WWOX: variants seen among roughly 807,000 people sequenced by gnomAD.
WWOX encodes WW domain-containing oxidoreductase.
WWOX carries 69 observed loss-of-function variants against 46.2 expected under a neutral mutation model. That is an observed-to-expected ratio of 1.49 (90% CI 1.23 to 1.82). The LOEUF is 1.82. Ranked by LOEUF, WWOX falls within the 40% of genes most tolerant of loss-of-function variation. WWOX has a pLI of 0.00. For missense variants in WWOX, 919 were observed against 542.6 expected, an observed-to-expected ratio of 1.69 and a Z score of -6.89; for synonymous variants, 359 against 202.6, an observed-to-expected ratio of 1.77 and a Z score of -6.56.
chr16:78,490,827 A>G (rs969482738), intron 8 of WWOX, among the ~76,000 whole-genome samples: 1 of 152,156 alleles, frequency 6.6e-6, no homozygotes, highest in African/African-American at 2.4e-5. Flanking sequence ...TACTTAGACT[A>G]GGAAATGGCT....
chr16:79,123,998 A>G (rs1053172691), intron 8 of WWOX, among the ~76,000 whole-genome samples: 3 of 152,204 alleles, frequency 2.0e-5, no homozygotes, highest in Non-Finnish European at 4.4e-5. Context: ...AAGCCAAGCT[A>G]AATAAACTCT....
chr16:78,969,971 A>G (rs547138476), intron 8 of WWOX, among the ~76,000 whole-genome samples: 5 of 152,204 alleles, frequency 3.3e-5, no homozygotes, highest in East Asian at 1.9e-4. Flanking sequence ...AAAACTTTGA[A>G]CACTTTAAAT....
chr16:78,358,116 G>A (rs1030816296), intron 5 of WWOX, among the ~76,000 whole-genome samples: 2 of 152,042 alleles, frequency 1.3e-5, no homozygotes, highest in African/African-American at 2.4e-5. Context: ...TCATGCACTA[G>A]GTAAAATGTT....
chr16:78,398,279 A>C (rs961498711), intron 6 of WWOX, among the ~76,000 whole-genome samples: 1 of 151,564 alleles, frequency 6.6e-6, no homozygotes, highest in African/African-American at 2.4e-5. Context: ...CTCCCATGTC[A>C]CCTGTGGCCA....
At chr16:78,764,587 C>T (rs930962594) in intron 8 of WWOX, among the ~76,000 whole-genome samples, 8 of 139,326 alleles carry the variant, frequency 5.7e-5, no homozygotes, top group Non-Finnish European at 1.1e-4. Context: ...TCACATGTGC[C>T]GTGCCCCGGG....
chr16:78,578,530 C>T (rs2044963802), intron 8 of WWOX, among the ~76,000 whole-genome samples: 1 of 151,604 alleles, frequency 6.6e-6, no homozygotes, highest in Admixed American at 6.6e-5. Context: ...CCTCGTGATT[C>T]ACCTGCCTTG....
At chr16:78,144,523 A>T (rs10595854) in intron 4 of WWOX, among the ~76,000 whole-genome samples, 6,154 of 17,908 alleles carry the variant, frequency 0.34, 802 homozygotes, top group South Asian at 0.4. Flanking sequence ...ATATATATAT[A>T]TTTTTTTTTT....
chr16:78,850,918 G>T (rs116941032), intron 8 of WWOX, among the ~76,000 whole-genome samples: 1 of 152,222 alleles, frequency 6.6e-6, no homozygotes, highest in African/African-American at 2.4e-5. Flanking sequence ...GATCAGTCAT[G>T]AATAAGGAAT....
intron 8 of WWOX, among the ~76,000 whole-genome samples, chr16:79,104,875 G>T (rs1260977158): frequency 1.3e-5 from 2 of 152,168 alleles, no homozygotes; most frequent in African/African-American, 4.8e-5. Flanking sequence ...AACCTCGACA[G>T]ACAGCGGCCA....
intron 5 of WWOX, among the ~76,000 whole-genome samples, chr16:78,336,822 C>T (rs907846885): frequency 2.0e-4 from 31 of 152,214 alleles, no homozygotes; most frequent in Admixed American, 1.1e-3. Context: ...GACGAAGTTT[C>T]GCTCTCATTT....
intron 8 of WWOX, among the ~76,000 whole-genome samples, chr16:78,875,363 C>T (rs1447495840): frequency 6.6e-6 from 1 of 152,116 alleles, no homozygotes; most frequent in Non-Finnish European, 1.5e-5. Context: ...ATGATGCTCC[C>T]AGTATATAAG....
intron 8 of WWOX, among the ~76,000 whole-genome samples, chr16:78,537,966 C>A (rs1280197398): frequency 6.6e-6 from 1 of 151,998 alleles, no homozygotes; most frequent in Middle Eastern, 3.2e-3. Context: ...TGCTGATAAT[C>A]AGTAAATGAA....
chr16:78,937,603 T>TCA (rs59224097), intron 8 of WWOX, among the ~76,000 whole-genome samples: 5 of 121,016 alleles, frequency 4.1e-5, no homozygotes, highest in Non-Finnish European at 8.6e-5. Context: ...CTATAGAGCT[T>TCA]TATTTATTTA....
chr16:78,434,144 A>T (rs145919240), intron 8 of WWOX, among the ~76,000 whole-genome samples: 135 of 152,304 alleles, frequency 8.9e-4, no homozygotes, highest in African/African-American at 3.2e-3. Flanking sequence ...AGGAGGAGGT[A>T]AGTAAGTATA....
intron 8 of WWOX, among the ~76,000 whole-genome samples, chr16:79,031,179 A>G (rs1336261989): frequency 6.6e-6 from 1 of 152,026 alleles, no homozygotes; most frequent in African/African-American, 2.4e-5. Flanking sequence ...GATATGCGGA[A>G]GCCTTCGCCC....
At chr16:78,583,586 G>T (rs1721167322) in intron 8 of WWOX, among the ~76,000 whole-genome samples, 1 of 152,142 alleles carries the variant, frequency 6.6e-6, no homozygotes, top group Non-Finnish European at 1.5e-5. Flanking sequence ...AAATGTCAGG[G>T]TCCCCCATTC....
At chr16:79,097,095 T>G (rs2049091542) in intron 8 of WWOX, among the ~76,000 whole-genome samples, 1 of 152,100 alleles carries the variant, frequency 6.6e-6, no homozygotes, top group Non-Finnish European at 1.5e-5. Context: ...CCAGTTAACT[T>G]ACTTGCTTCC....
intron 8 of WWOX, among the ~76,000 whole-genome samples, chr16:79,009,716 G>A (rs1175620850): frequency 1.3e-5 from 2 of 152,162 alleles, no homozygotes; most frequent in Non-Finnish European, 2.9e-5. Context: ...TTCCCAAAGT[G>A]CTGGGATTAC....
chr16:79,038,500 C>G (rs935881528), intron 8 of WWOX, among the ~76,000 whole-genome samples: 1 of 152,030 alleles, frequency 6.6e-6, no homozygotes, highest in Non-Finnish European at 1.5e-5. Flanking sequence ...TATGAGTGTT[C>G]TAATTATGAT....
Sources: gnomAD v4.1 joint callset for allele counts (sites outside exome capture counted in the v4.1 genomes callset) on GRCh38, gnomAD v4.1.1 for gene constraint, MANE v1.5 for transcripts, NCBI Gene and HGNC (gene_info 2026-07-23, HGNC 2026-07-21) for gene names.